The following PDE4D variants were observed in gnomAD, a reference collection of about 807,000 sequenced individuals.
PDE4D encodes 3',5'-cyclic-AMP phosphodiesterase 4D.
Under a neutral mutation model 87.4 loss-of-function variants are expected in PDE4D, and 24 were observed. That is an observed-to-expected ratio of 0.27 (90% CI 0.20 to 0.39). The LOEUF (loss-of-function observed/expected upper bound fraction) is 0.39, where lower values mean the gene tolerates loss of function less well. PDE4D is among the 10% of genes least tolerant of loss of function. The pLI is 1.00. For missense variants in PDE4D, 714 were observed against 1,041.0 expected, an observed-to-expected ratio of 0.69 and a Z score of 4.32; for synonymous variants, 384 against 383.2, an observed-to-expected ratio of 1.00 and a Z score of -0.02.
chr5:60,474,374 C>T (rs1353567058), intron 1 of PDE4D, among the ~76,000 whole-genome samples: 1 of 151,442 alleles, frequency 6.6e-6, no homozygotes, highest in Non-Finnish European at 1.5e-5. Context: ...AGAGAGCCCT[C>T]ACAACCTAAT....
chr5:59,224,204 C>T (rs977551175), intron 1 of PDE4D, among the ~76,000 whole-genome samples: 8 of 150,552 alleles, frequency 5.3e-5, no homozygotes, highest in East Asian at 3.9e-4. Context: ...ATCACTTGAG[C>T]CCAGGAGGCT....
chr5:59,233,046 G>A (rs778685679), intron 1 of PDE4D, among the ~76,000 whole-genome samples: 1 of 152,070 alleles, frequency 6.6e-6, no homozygotes, highest in Non-Finnish European at 1.5e-5. Flanking sequence ...ATGAAGAGAG[G>A]TTGGCTAACG....
At chr5:59,708,220 CT>C (rs1016741026) in intron 1 of PDE4D, among the ~76,000 whole-genome samples, 2 of 151,904 alleles carry the variant, frequency 1.3e-5, no homozygotes, top group East Asian at 1.9e-4. Context: ...TGATGTTGAG[CT>C]TTTTTTTCAT....
intron 1 of PDE4D, among the ~76,000 whole-genome samples, chr5:59,578,317 A>C (rs1041504749): frequency 1.3e-5 from 2 of 152,176 alleles, no homozygotes; most frequent in Non-Finnish European, 1.5e-5. Context: ...AGTTTCCACC[A>C]CTACCAAATA....
intron 5 of PDE4D, among the ~76,000 whole-genome samples, chr5:59,045,556 CAAAA>C (rs36051277): frequency 2.8e-5 from 2 of 70,968 alleles, no homozygotes; most frequent in Admixed American, 1.6e-4. Flanking sequence ...AACTCTGTCT[CAAAA>C]AAAAAAAAAA....
At chr5:59,731,353 G>A (rs767673641) in intron 1 of PDE4D, among the ~76,000 whole-genome samples, 4 of 151,988 alleles carry the variant, frequency 2.6e-5, no homozygotes, top group African/African-American at 9.7e-5. Context: ...GCCAATGGTC[G>A]TGAGATGACA....
chr5:59,909,971 A>C lies in PDE4D; in HGVS notation c.272+78517T>G, dbSNP rs569858917. Among the ~76,000 whole-genome samples, 83 of 151,886 alleles carry C rather than the reference A, an allele frequency of 5.5e-4. 1 individual carries two copies. Among genetic ancestry groups the C allele is most frequent in the Admixed American group, 5.1e-3 (78 of 15,244 alleles). ...CATGCATTTTGAATGCCCCATATAT[A>C]CCCCCCACCATCGTACTTCTCTGCA... is the stretch of plus-strand genomic sequence containing the variant. On this transcript the variant is annotated intron_variant, in intron 3 of 16. Coordinates refer to the PDE4D transcript ENST00000502484.
intron 1 of PDE4D, among the ~76,000 whole-genome samples, chr5:59,343,790 A>C (rs1383705298): frequency 6.6e-6 from 1 of 152,182 alleles, no homozygotes; most frequent in Non-Finnish European, 1.5e-5. Flanking sequence ...TATACAGTCC[A>C]TACACTCAAT....
chr5:59,644,432 G>T (rs1365367626), intron 1 of PDE4D, among the ~76,000 whole-genome samples: 1 of 152,062 alleles, frequency 6.6e-6, no homozygotes, highest in Non-Finnish European at 1.5e-5. Context: ...ACTCATCTTT[G>T]GCCAGAACAA....
At chr5:59,682,549 A>T (rs1749202931) in intron 1 of PDE4D, among the ~76,000 whole-genome samples, 1 of 152,218 alleles carries the variant, frequency 6.6e-6, no homozygotes, top group South Asian at 2.1e-4. Context: ...ATATGATGGT[A>T]TTTACAGGTG....
chr5:60,470,932 T>C (rs1477365354), intron 1 of PDE4D, among the ~76,000 whole-genome samples: 1 of 152,204 alleles, frequency 6.6e-6, no homozygotes, highest in Non-Finnish European at 1.5e-5. Flanking sequence ...CAAGGAGTAA[T>C]TTTGACTTTC....
chr5:59,947,734 C>G (rs1186380890), intron 3 of PDE4D, among the ~76,000 whole-genome samples: 1 of 152,160 alleles, frequency 6.6e-6, no homozygotes, highest in African/African-American at 2.4e-5. Flanking sequence ...AAGGGCCAGG[C>G]ACGGTGGCCC....
intron 1 of PDE4D, among the ~76,000 whole-genome samples, chr5:60,378,300 T>A (rs1761582937): frequency 6.6e-6 from 1 of 152,138 alleles, no homozygotes; most frequent in Non-Finnish European, 1.5e-5. Context: ...TTAAAACCCT[T>A]TCCAACCACA....
At chr5:60,119,868 T>A (rs568173249) in intron 2 of PDE4D, among the ~76,000 whole-genome samples, 1 of 152,292 alleles carries the variant, frequency 6.6e-6, no homozygotes, top group East Asian at 1.9e-4. Flanking sequence ...TGGTCTTTGG[T>A]CATTCAAGAA....
chr5:59,562,670 C>A (rs553004939), intron 1 of PDE4D, among the ~76,000 whole-genome samples: 16 of 152,268 alleles, frequency 1.1e-4, no homozygotes, highest in African/African-American at 3.6e-4. Flanking sequence ...GTATATATAC[C>A]TAGTTAGGTT....
At position 59,773,341 on chromosome 5, in the gene PDE4D, A is replaced by T. The variant is rs117178762; in HGVS notation, c.455+119827T>A. 6.6e-5 allele frequency among the ~76,000 whole-genome samples: 10 copies of T among 152,310 alleles called. No homozygotes were observed. The East Asian group carries it at 1.9e-3, about 29-fold the overall frequency. ...AGAGCCTCTATTTTGACTCTACATT[A>T]TACAAACCCAAAAGGAAAGCAGATC... On this transcript the variant is annotated intron_variant, in intron 1 of 14. Coordinates refer to ENST00000340635, the MANE Select transcript of PDE4D (RefSeq NM_001104631.2).
chr5:59,250,712 C>T (rs759406490), intron 1 of PDE4D, among the ~76,000 whole-genome samples: 5 of 151,852 alleles, frequency 3.3e-5, no homozygotes, highest in Admixed American at 1.3e-4. Flanking sequence ...AAAAAGAGCC[C>T]GAATAGCCAA....
chr5:59,763,527 C>T (rs1022834567), intron 1 of PDE4D, among the ~76,000 whole-genome samples: 2 of 152,070 alleles, frequency 1.3e-5, no homozygotes, highest in African/African-American at 4.8e-5. Context: ...GCATTTCTAC[C>T]TTGTTCTTCT....
intron 5 of PDE4D, among the ~76,000 whole-genome samples, chr5:59,088,190 C>T (rs1768052305): frequency 1.3e-5 from 2 of 152,112 alleles, no homozygotes; most frequent in South Asian, 2.1e-4. Context: ...TCTGGGAATA[C>T]AAAAATTCAT....
Sources: gnomAD v4.1 joint callset for allele counts (sites outside exome capture counted in the v4.1 genomes callset) on GRCh38, gnomAD v4.1.1 for gene constraint, MANE v1.5 for transcripts, NCBI Gene and HGNC (gene_info 2026-07-23, HGNC 2026-07-21) for gene names.